RFTN2: variants seen among roughly 807,000 people sequenced by gnomAD.
RFTN2 encodes raftlin family member 2, also known as raftlin-2.
In RFTN2, 34 loss-of-function variants were observed where a neutral mutation model predicts 52.7. That is an observed-to-expected ratio of 0.64 (90% CI 0.49 to 0.86). The LOEUF is 0.86. RFTN2 is among the 40% of genes least tolerant of loss of function. RFTN2 has a pLI of 0.00. For synonymous variants in RFTN2, 203 were observed against 217.7 expected, an observed-to-expected ratio of 0.93 and a Z score of 0.59; for missense variants, 536 against 600.1, an observed-to-expected ratio of 0.89 and a Z score of 1.12.
intron 3 of RFTN2, among the ~76,000 whole-genome samples, chr2:197,637,982 C>T (rs1454849136): frequency 6.7e-6 from 1 of 150,018 alleles, no homozygotes; most frequent in African/African-American, 2.4e-5. Flanking sequence ...ATTTCTGCCT[C>T]CATTTCGTTA....
chr2:197,624,077 G>C (rs1480647741), intron 5 of RFTN2, among the ~76,000 whole-genome samples: 1 of 152,174 alleles, frequency 6.6e-6, no homozygotes, highest in Admixed American at 6.5e-5. Context: ...GGGATTACAG[G>C]TGTGAGCTAC....
At chr2:197,629,346 C>T in intron 5 of RFTN2, among the ~76,000 whole-genome samples, 1 of 151,866 alleles carries the variant, frequency 6.6e-6, no homozygotes, top group Non-Finnish European at 1.5e-5. Flanking sequence ...ATCGCAAGGA[C>T]AGAAAACCAA....
intron 7 of RFTN2, among the ~76,000 whole-genome samples, chr2:197,611,424 T>C (rs1559348538): frequency 1.3e-5 from 2 of 152,190 alleles, no homozygotes; most frequent in Non-Finnish European, 2.9e-5. Flanking sequence ...TATTCTCTGA[T>C]AGTAGTTTGT....
At chr2:197,634,055 T>C in intron 3 of RFTN2, 58 bp from the exon 4 acceptor site, 1 of 1,428,072 alleles carries the variant, frequency 7.0e-7, no homozygotes, top group Non-Finnish European at 9.6e-7. Context: ...ATTGATTACT[T>C]TATCAATTAA....
intron 1 of RFTN2, among the ~76,000 whole-genome samples, chr2:197,656,600 A>C (rs1014334206): frequency 1.3e-5 from 2 of 152,198 alleles, no homozygotes; most frequent in Non-Finnish European, 2.9e-5. Flanking sequence ...AGTTGCCCTT[A>C]AAGATAAGTC....
chr2:197,631,720 G>T (rs2088472271), intron 4 of RFTN2, among the ~76,000 whole-genome samples: 1 of 152,022 alleles, frequency 6.6e-6, no homozygotes, highest in African/African-American at 2.4e-5. Context: ...CAATTTTTCT[G>T]TTATTACCAA....
rs1203280582 is a variant in RFTN2 at position 197,633,824 on chromosome 2, C to T, written c.612G>A (p.Gly204=). 5.6e-6 allele frequency: 9 copies of T among 1,613,876 alleles called. No homozygotes were observed. The highest frequency in any genetic ancestry group is 7.6e-6 in the Non-Finnish European group (9 of 1,179,852). ...CRSWNEGTLS[G]QSSESGIEEE... ...CCTCAATTCCGCTTTCAGATGACTG[C>T]CCACTTAACGTCCCTTCATTCCAAC... Residue 204 remains glycine (G), a synonymous_variant, in exon 4 of 9, where the codon GGG becomes GGA. Transcript: ENST00000295049.
At chr2:197,669,241 TTAATATGC>T (rs1179019578) in intron 1 of RFTN2, among the ~76,000 whole-genome samples, 1 of 152,200 alleles carries the variant, frequency 6.6e-6, no homozygotes, top group African/African-American at 2.4e-5. Context: ...TGCTATCTTC[TTAATATGC>T]TACATTCCTA....
chr2:197,635,308 CCA>C (rs2088547496), intron 3 of RFTN2, among the ~76,000 whole-genome samples: 1 of 152,168 alleles, frequency 6.6e-6, no homozygotes, highest in Admixed American at 6.5e-5. Flanking sequence ...TGAGGAGTCA[CCA>C]CACTGACTTC....
intron 8 of RFTN2, among the ~76,000 whole-genome samples, chr2:197,575,936 G>C (rs574002030): frequency 7.5e-6 from 1 of 133,538 alleles, no homozygotes; most frequent in South Asian, 2.3e-4. Flanking sequence ...GTCAAAAAAG[G>C]GAAAGCACAA....
intron 4 of RFTN2, among the ~76,000 whole-genome samples, chr2:197,632,111 C>T (rs1212302777): frequency 6.6e-6 from 1 of 152,134 alleles, no homozygotes; most frequent in Non-Finnish European, 1.5e-5. Flanking sequence ...TAGAAATAGA[C>T]ATCTGATTTG....
chr2:197,627,956 G>A (rs1009680242), intron 5 of RFTN2, among the ~76,000 whole-genome samples: 3 of 138,550 alleles, frequency 2.2e-5, no homozygotes, highest in South Asian at 2.2e-4. Flanking sequence ...ATTTCTGAGC[G>A]CTGTCTGGTT....
chr2:197,615,624 T>C (rs2088128818), intron 7 of RFTN2, among the ~76,000 whole-genome samples: 1 of 152,226 alleles, frequency 6.6e-6, no homozygotes, highest in African/African-American at 2.4e-5. Context: ...TCTGGAACCC[T>C]ACTGTGTCCT....
At chr2:197,626,614 C>CTTTTTTTTTTTTTTTTTTTTTTTTTT (rs201711932) in intron 5 of RFTN2, among the ~76,000 whole-genome samples, 1 of 97,592 alleles carries the variant, frequency 1.0e-5, no homozygotes. Context: ...AAGGAATAAT[C>CTTTTTTTTTTTTTTTTTTTTTTTTTT]TTCTTTTTTT....
At chr2:197,661,763 TAA>T (rs2088980372) in intron 1 of RFTN2, among the ~76,000 whole-genome samples, 1 of 152,206 alleles carries the variant, frequency 6.6e-6, no homozygotes, top group African/African-American at 2.4e-5. Flanking sequence ...CAACGGTGTA[TAA>T]GAGTTCCCTT....
At chr2:197,644,081 G>T (rs897173818) in intron 3 of RFTN2, 77 bp downstream of exon 3, 172 of 862,312 alleles carry the variant, frequency 2.0e-4, no homozygotes, top group Non-Finnish European at 3.3e-4. Flanking sequence ...TTCTTTTTAG[G>T]GTAAAAAAGG....
chr2:197,602,834 A>C (rs369677764), intron 7 of RFTN2, among the ~76,000 whole-genome samples: 4 of 152,234 alleles, frequency 2.6e-5, no homozygotes, highest in South Asian at 2.1e-4. Flanking sequence ...AAATGTCCAA[A>C]AATGATAGAC....
intron 7 of RFTN2, among the ~76,000 whole-genome samples, chr2:197,600,906 T>A (rs539529906): frequency 6.6e-6 from 1 of 152,262 alleles, no homozygotes; most frequent in Admixed American, 6.5e-5. Flanking sequence ...AGATAGTAAT[T>A]TAAATTCTGA....
At chr2:197,671,685 A>C (rs1276403472) in intron 1 of RFTN2, among the ~76,000 whole-genome samples, 1 of 152,260 alleles carries the variant, frequency 6.6e-6, no homozygotes, top group African/African-American at 2.4e-5. Flanking sequence ...TGATGATGAA[A>C]GACAAATAGA....
Sources: gnomAD v4.1 joint callset for allele counts (sites outside exome capture counted in the v4.1 genomes callset) on GRCh38, gnomAD v4.1.1 for gene constraint, MANE v1.5 for transcripts, NCBI Gene and HGNC (gene_info 2026-07-23, HGNC 2026-07-21) for gene names.